CTNNA2: variants seen among roughly 807,000 people sequenced by gnomAD.
CTNNA2 encodes the protein catenin alpha-2.
CTNNA2 carries 42 observed loss-of-function variants against 101.0 expected under a neutral mutation model. That is an observed-to-expected ratio of 0.42 (90% confidence interval 0.32 to 0.54). CTNNA2 has a LOEUF of 0.54. CTNNA2 is among the 20% of genes least tolerant of loss of function. CTNNA2 has a pLI of 0.14. For synonymous variants in CTNNA2, 450 were observed against 456.4 expected (o/e 0.99, Z 0.18); for missense variants, 871 against 1,223.1 (o/e 0.71, Z 4.29).
chr2:80,318,357 A>G (rs968251615), intron 7 of CTNNA2, among the ~76,000 whole-genome samples: 4 of 152,068 alleles, frequency 2.6e-5, no homozygotes, highest in Non-Finnish European at 4.4e-5. Flanking sequence ...GTTTTCCTTT[A>G]TGCCTTCTAG....
intron 7 of CTNNA2, among the ~76,000 whole-genome samples, chr2:80,116,067 C>T (rs528679859): frequency 4.6e-5 from 7 of 151,198 alleles, no homozygotes; most frequent in East Asian, 1.9e-4. Flanking sequence ...TTTTTTTTCC[C>T]GTAAAGGTCA....
intron 9 of CTNNA2, among the ~76,000 whole-genome samples, chr2:80,455,839 G>A (rs2149463839): frequency 6.6e-6 from 1 of 152,236 alleles, no homozygotes; most frequent in Admixed American, 6.5e-5. Context: ...TGCATATTAT[G>A]AGCATAATTT....
chr2:80,606,390 ACACACACACACACACACACACACC>A (rs768631299), intron 16 of CTNNA2, among the ~76,000 whole-genome samples: 4,194 of 124,170 alleles, frequency 0.034, 69 homozygotes, highest in African/African-American at 0.046. Flanking sequence ...ACACACACAC[ACACACACACACACACACACACACC>A]CCCCAGGATA....
chr2:80,081,402 T>C (rs1699135364), intron 7 of CTNNA2, among the ~76,000 whole-genome samples: 1 of 152,086 alleles, frequency 6.6e-6, no homozygotes, highest in South Asian at 2.1e-4. Flanking sequence ...CGTTATCTGA[T>C]GGTATGTATC....
At chr2:79,447,466 A>G (rs1678847291) in intron 4 of CTNNA2, among the ~76,000 whole-genome samples, 1 of 152,050 alleles carries the variant, frequency 6.6e-6, no homozygotes, top group African/African-American at 2.4e-5. Flanking sequence ...GTGAATACCT[A>G]AAGAAAATGG....
At chr2:79,385,655 G>A (rs1197188352) in intron 4 of CTNNA2, among the ~76,000 whole-genome samples, 1 of 151,920 alleles carries the variant, frequency 6.6e-6, no homozygotes, top group Non-Finnish European at 1.5e-5. Context: ...CATGCATTAG[G>A]TATTTGTCCT....
intron 2 of CTNNA2, among the ~76,000 whole-genome samples, chr2:79,680,407 A>T (rs1480907152): frequency 1.3e-5 from 2 of 152,116 alleles, no homozygotes; most frequent in Non-Finnish European, 2.9e-5. Flanking sequence ...AGTCCCACTG[A>T]TGTACCTGCA....
intron 7 of CTNNA2, among the ~76,000 whole-genome samples, chr2:80,320,015 G>T (rs1338482544): frequency 6.6e-6 from 1 of 152,088 alleles, no homozygotes; most frequent in African/African-American, 2.4e-5. Flanking sequence ...GAATAATCTT[G>T]TTCTGATTCT....
rs141971013 is a variant in CTNNA2, at chr2:79,884,913, G to A, written c.852+10571G>A. Among the ~76,000 whole-genome samples the A allele has an allele frequency of 2.8e-3, 428 of 152,230 alleles. 3 individuals are homozygous for A. Among genetic ancestry groups the A allele is most frequent in the African/African-American group, 9.6e-3 (400 of 41,522 alleles). On this transcript the variant is annotated intron_variant, in intron 6 of 18. Transcript: ENST00000402739. ...CCTGGCTGGCAAGAATTGTATGTAG[G>A]CTAACTGTGAGGATAAAATAATTGT...
At chr2:80,546,175 C>T (rs1692043954) in intron 11 of CTNNA2, 112 bp downstream of exon 11, 4 of 1,318,664 alleles carry the variant, frequency 3.0e-6, no homozygotes, top group African/African-American at 1.5e-5. Flanking sequence ...CTCCTTAGAT[C>T]TTTGAGCTTT....
chr2:80,192,261 G>A (rs557599844), intron 7 of CTNNA2, among the ~76,000 whole-genome samples: 1 of 152,258 alleles, frequency 6.6e-6, no homozygotes, highest in African/African-American at 2.4e-5. Context: ...CTACGTACAG[G>A]CAAGACTGAA....
intron 7 of CTNNA2, among the ~76,000 whole-genome samples, chr2:80,384,409 A>G (rs1270489167): frequency 1.1e-4 from 16 of 150,864 alleles, no homozygotes; most frequent in Admixed American, 6.6e-4. Flanking sequence ...GTATCCCCGA[A>G]CCTCAAAGTT....
chr2:80,410,872 G>A (rs980024817), intron 8 of CTNNA2, among the ~76,000 whole-genome samples: 1 of 152,184 alleles, frequency 6.6e-6, no homozygotes. Context: ...TGTGTTTATA[G>A]ACTATGGAAA....
At chr2:79,797,006 C>T (rs911681624) in intron 3 of CTNNA2, among the ~76,000 whole-genome samples, 2 of 152,154 alleles carry the variant, frequency 1.3e-5, no homozygotes, top group Non-Finnish European at 2.9e-5. Context: ...TCCTTTTTCA[C>T]TTCCAGCTCT....
At chr2:80,573,739 C>T (rs1259975003) in intron 12 of CTNNA2, among the ~76,000 whole-genome samples, 1 of 152,180 alleles carries the variant, frequency 6.6e-6, no homozygotes, top group African/African-American at 2.4e-5. Flanking sequence ...CATTTTCCCA[C>T]TGAATCACGA....
chr2:79,677,350 G>A (rs973062531), intron 2 of CTNNA2, among the ~76,000 whole-genome samples: 3 of 152,072 alleles, frequency 2.0e-5, no homozygotes, highest in African/African-American at 7.2e-5. Flanking sequence ...AATCTGCCAA[G>A]CCTATTGCCT....
At chr2:79,431,750 G>A (rs1015871942) in intron 4 of CTNNA2, among the ~76,000 whole-genome samples, 1 of 152,100 alleles carries the variant, frequency 6.6e-6, no homozygotes, top group African/African-American at 2.4e-5. Context: ...TCCCTGAGGA[G>A]GCAACTCAAA....
At chr2:80,617,777 T>C (rs1698976818) in intron 17 of CTNNA2, among the ~76,000 whole-genome samples, 1 of 151,828 alleles carries the variant, frequency 6.6e-6, no homozygotes, top group African/African-American at 2.4e-5. Flanking sequence ...TTTAGTACGC[T>C]AAGAATGATG....
rs548147029 is a variant in CTNNA2, at chr2:79,704,997, C to G, written c.103-39390C>G. Among the ~76,000 whole-genome samples the G allele has an allele frequency of 3.7e-4, 57 of 152,278 alleles. 1 individual carries two copies. Among genetic ancestry groups the G allele is most frequent in the Admixed American group, 2.0e-3 (30 of 15,298 alleles). On this transcript the variant is annotated intron_variant, in intron 2 of 18. Transcript: ENST00000402739. The stretch of plus-strand genomic sequence containing the variant: ...CAACCTGGGGCAATTTTAAGAATCT[C>G]CTCGCCACCACTGGGGACATTTGTC...
Sources: gnomAD v4.1 joint callset for allele counts (sites outside exome capture counted in the v4.1 genomes callset) on GRCh38, gnomAD v4.1.1 for gene constraint, MANE v1.5 for transcripts, NCBI Gene and HGNC (gene_info 2026-07-23, HGNC 2026-07-21) for gene names.